Variants in GATAD2A observed in about 807,000 individuals in gnomAD.
GATAD2A encodes GATA zinc finger domain containing 2A.
A neutral mutation model predicts 68.5 loss-of-function variants in GATAD2A; 12 were observed. That is an observed-to-expected ratio of 0.18 (90% CI 0.11 to 0.28). GATAD2A has a LOEUF of 0.28. GATAD2A is among the 10% of genes least tolerant of loss of function. The pLI is 1.00. For missense variants in GATAD2A, 755 were observed against 868.5 expected (o/e 0.87, Z 1.64); for synonymous variants, 410 against 375.3 (o/e 1.09, Z -1.07).
chr19:19,411,189 C>A (rs1600043640), intron 1 of GATAD2A, among the ~76,000 whole-genome samples: 1 of 152,268 alleles, frequency 6.6e-6, no homozygotes, highest in Non-Finnish European at 1.5e-5. Flanking sequence ...GTGATACTTG[C>A]CATAGTCACC....
chr19:19,412,125 T>TC (rs2051016815), intron 1 of GATAD2A, among the ~76,000 whole-genome samples: 1 of 151,808 alleles, frequency 6.6e-6, no homozygotes, highest in Admixed American at 6.6e-5. Context: ...CCGCTTTTTT[T>TC]TCTCTCTCTT....
At chr19:19,411,702 C>T (rs749036349) in intron 1 of GATAD2A, among the ~76,000 whole-genome samples, 54 of 152,300 alleles carry the variant, frequency 3.5e-4, no homozygotes, top group Middle Eastern at 3.4e-3. Context: ...GAGACAGCAT[C>T]TTTGACCTAA....
intron 2 of GATAD2A, among the ~76,000 whole-genome samples, chr19:19,473,765 G>A (rs1325653789): frequency 2.1e-5 from 3 of 143,068 alleles, no homozygotes; most frequent in Admixed American, 7.2e-5. Flanking sequence ...GTGAAACCCC[G>A]TCTCTACTTA....
At chr19:19,434,170 T>A (rs1193432331) in intron 1 of GATAD2A, among the ~76,000 whole-genome samples, 1 of 152,168 alleles carries the variant, frequency 6.6e-6, no homozygotes, top group African/African-American at 2.4e-5. Flanking sequence ...GGTTTTGAGT[T>A]CTGATTGGTT....
rs139613374 is a variant in GATAD2A at position 19,438,203 on chromosome 19, A to T, written c.-6-27137A>T. Among the ~76,000 whole-genome samples, 730 of 152,338 alleles carry T rather than the reference A, an allele frequency of 4.8e-3. 6 individuals are homozygous for T. The highest frequency in any genetic ancestry group is 0.041 in the South Asian group (197 of 4,826). ...GGCATTGACAGAAACAGAGGGTAGG[A>T]CTAGGGACTCAGAGTCACAAAGCCA... On this transcript the variant is annotated intron_variant, in intron 1 of 11. Transcript: ENST00000683918.
chr19:19,469,057 G>C (rs1197044253), intron 2 of GATAD2A, among the ~76,000 whole-genome samples: 3 of 152,142 alleles, frequency 2.0e-5, no homozygotes, highest in African/African-American at 7.2e-5. Context: ...GTTAGCATCA[G>C]TCTTATATAG....
chr19:19,469,601 G>A (rs1191282080), intron 2 of GATAD2A, among the ~76,000 whole-genome samples: 1 of 148,722 alleles, frequency 6.7e-6, no homozygotes, highest in Non-Finnish European at 1.5e-5. Context: ...CAGTAACTGT[G>A]AAGGATCTAA....
At chr19:19,445,753 C>G (rs1350974156) in intron 1 of GATAD2A, among the ~76,000 whole-genome samples, 1 of 152,104 alleles carries the variant, frequency 6.6e-6, no homozygotes, top group African/African-American at 2.4e-5. Flanking sequence ...AGTTTCATTC[C>G]TTTTTATGGC....
chr19:19,451,592 G>A (rs1021599292), intron 1 of GATAD2A, among the ~76,000 whole-genome samples: 25 of 152,344 alleles, frequency 1.6e-4, no homozygotes, highest in Non-Finnish European at 2.6e-4. Context: ...TATCCAGCTA[G>A]GTGAGAAATT....
At chr19:19,407,581 A>G (rs942900846) in intron 1 of GATAD2A, among the ~76,000 whole-genome samples, 1 of 152,168 alleles carries the variant, frequency 6.6e-6, no homozygotes, top group Admixed American at 6.5e-5. Flanking sequence ...CCTAGTGAGC[A>G]TTTCCCTGGC....
chr19:19,505,515 C>T lies in GATAD2A; in HGVS notation c.*41C>T, dbSNP rs374131882. The T allele has an allele frequency of 4.6e-6, 7 of 1,534,344 alleles. No individual in the cohort carries two copies. Among genetic ancestry groups the T allele is most frequent in the South Asian group, 2.4e-5 (2 of 82,884 alleles). On this transcript the variant is annotated 3_prime_UTR_variant, in exon 12 of 12. Coordinates refer to ENST00000683918, the MANE Select transcript of GATAD2A (RefSeq NM_001384528.1). ...GTGGAAGACGGGCTCCCTCCTCCCC[C>T]ACCTGGCCCCTGGTCTAGAAGGACC...
At chr19:19,388,057 CCTTT>C (rs1568686078) in intron 1 of GATAD2A, among the ~76,000 whole-genome samples, 1 of 126,002 alleles carries the variant, frequency 7.9e-6, no homozygotes, top group Non-Finnish European at 1.5e-5. Context: ...AGCTTCTCCT[CCTTT>C]TTTTTTTTTT....
In GATAD2A at chr19:19,410,608, C is replaced by T. The variant is rs79556622; in HGVS notation, c.-7+4589C>T. Among the ~76,000 whole-genome samples the T allele has an allele frequency of 1.6e-4, 24 of 152,296 alleles. No homozygotes were observed. The East Asian group carries it at 4.2e-3, about 27-fold the overall frequency. On this transcript the variant is annotated intron_variant, in intron 1 of 11. Transcript: ENST00000683918. ...CGTAGCCTAAATAAGGTGGTGCCTT[C>T]GAGCACACACTTTAAAAATACTGCT...
rs75611937 is a variant in GATAD2A, at chr19:19,410,952, G to A, written c.-7+4933G>A. On this transcript the variant is annotated intron_variant, in intron 1 of 11. Transcript: ENST00000683918. ...ACCCCAGTGCCTGTGTGTTCCACATGTTGCAGTTCAGTGAGTACTGTTATG... is the reference window on the plus strand; with the variant it reads ...ACCCCAGTGCCTGTGTGTTCCACATATTGCAGTTCAGTGAGTACTGTTATG... Among the ~76,000 whole-genome samples, 679 of 152,360 alleles carry A rather than the reference G, an allele frequency of 4.5e-3. 7 individuals are homozygous for A. The highest frequency in any genetic ancestry group is 7.8e-3 in the Admixed American group (119 of 15,298).
At chr19:19,482,882 CTG>C (rs199970077) in intron 2 of GATAD2A, among the ~76,000 whole-genome samples, 2,479 of 152,280 alleles carry the variant, frequency 0.016, 80 homozygotes, top group South Asian at 0.085. Context: ...GCAGTGGCCT[CTG>C]TGGGCGGGTA....
At chr19:19,480,052 C>T (rs139748707) in intron 2 of GATAD2A, among the ~76,000 whole-genome samples, 1 of 152,074 alleles carries the variant, frequency 6.6e-6, no homozygotes, top group African/African-American at 2.4e-5. Flanking sequence ...TGTGATCCAC[C>T]CGCCTCGGCT....
At chr19:19,440,442 T>C in intron 1 of GATAD2A, 1 of 224,938 alleles carries the variant, frequency 4.4e-6, no homozygotes, top group South Asian at 4.5e-5. Flanking sequence ...TGCTAATTTT[T>C]TATATTTTTA....
intron 1 of GATAD2A, among the ~76,000 whole-genome samples, chr19:19,389,993 A>G (rs2048729263): frequency 6.6e-6 from 1 of 152,152 alleles, no homozygotes. Flanking sequence ...CAAACTCCTG[A>G]GCTCAAGTGA....
intron 1 of GATAD2A, among the ~76,000 whole-genome samples, chr19:19,386,807 T>G (rs1346379474): frequency 6.6e-6 from 1 of 151,996 alleles, no homozygotes; most frequent in Non-Finnish European, 1.5e-5. Context: ...ATCCTGCCTT[T>G]GACAGGAACT....
Sources: allele counts gnomAD v4.1 joint callset (sites outside exome capture counted in the v4.1 genomes callset), GRCh38; gene constraint gnomAD v4.1.1; transcripts MANE v1.5; gene names NCBI Gene and HGNC (gene_info 2026-07-23, HGNC 2026-07-21).